The following KLHL6 variants were observed in gnomAD, a reference collection of about 807,000 sequenced individuals.
KLHL6 encodes the protein kelch like family member 6, also known as kelch-like protein 6.
In KLHL6, 41 loss-of-function variants were observed where a neutral mutation model predicts 58.6. The observed-to-expected ratio is 0.70, with a 90% CI of 0.55 to 0.91. KLHL6 has a LOEUF of 0.91. Among genes scored for constraint, KLHL6 ranks in the 40% least tolerant of loss-of-function variants. The probability of loss-of-function intolerance (pLI) is 0.00; values close to 1 mark genes in which losing one functional copy is unlikely to be tolerated. For synonymous variants in KLHL6, 338 were observed against 322.7 expected (o/e 1.05, Z -0.51); for missense variants, 714 against 805.6 (o/e 0.89, Z 1.38).
At position 183,547,725 on chromosome 3, in the gene KLHL6, G is replaced by T. The variant is rs544137771; in HGVS notation, c.293+7636C>A. Among the ~76,000 whole-genome samples, 559 of 152,238 alleles carry T rather than the reference G, an allele frequency of 3.7e-3. 1 individual carries two copies. Among genetic ancestry groups the T allele is most frequent in the Non-Finnish European group, 5.8e-3 (394 of 68,008 alleles). ...CGGCCTACATTTTTTCAGGCACTTT[G>T]CTGGATTCTTTTTATTTCATTCAGT... On this transcript the variant is annotated intron_variant, in intron 1 of 6. Coordinates refer to ENST00000341319, the MANE Select transcript of KLHL6 (RefSeq NM_130446.4).
chr3:183,541,418 G>C (rs1415171608), intron 1 of KLHL6, among the ~76,000 whole-genome samples: 1 of 152,210 alleles, frequency 6.6e-6, no homozygotes, highest in Non-Finnish European at 1.5e-5. Context: ...GGAGTGCACA[G>C]GCCAGGCTTG....
intron 1 of KLHL6, among the ~76,000 whole-genome samples, chr3:183,533,143 T>C (rs1030719763): frequency 1.3e-5 from 2 of 152,060 alleles, no homozygotes; most frequent in Non-Finnish European, 2.9e-5. Flanking sequence ...GGTGATGTAA[T>C]TCCAAACGCT....
chr3:183,531,443 GTTT>G (rs59579259), intron 1 of KLHL6, among the ~76,000 whole-genome samples: 7 of 90,358 alleles, frequency 7.7e-5, no homozygotes, highest in African/African-American at 3.4e-4. Flanking sequence ...TTTTGTCTGT[GTTT>G]TTTTTTTTTT....
rs142570408 is a variant in KLHL6 at position 183,527,747 on chromosome 3, C to T, written c.459+98G>A. The T allele has an allele frequency of 8.4e-4, 826 of 984,702 alleles. 8 individuals carry two copies. The East Asian group carries it at 0.019, about 23-fold the overall frequency. 61.0% of individuals were successfully genotyped at this position (984,702 alleles called of 1,614,324 possible). On this transcript the variant is annotated intron_variant, in intron 2 of 6. Transcript: ENST00000341319. ...GCGTGTGTGTGTGTGTGTCCATGTCCCAGGTACAGGCCTGGGAGCTAGACC... is the reference window on the plus strand; with the variant it reads ...GCGTGTGTGTGTGTGTGTCCATGTCTCAGGTACAGGCCTGGGAGCTAGACC...
rs1560107005 is a variant in KLHL6, at chr3:183,534,116, ACTTTTAAAGTACTTTGTAC to A, written c.294-6125_294-6107del. 1.1e-4 allele frequency among the ~76,000 whole-genome samples: 14 copies of A among 123,916 alleles called. 1 individual carries two copies. The South Asian group carries it at 3.7e-3, about 33-fold the overall frequency. 81.3% of individuals were successfully genotyped at this position (123,916 alleles called of 152,430 possible). ...TTTTAAAGTACTTTAAAAGTACTTT[ACTTTTAAAGTACTTTGTAC>A]TTTTAAAGTACTTTAAAAGTACTTT... On this transcript the variant is annotated intron_variant, in intron 1 of 6. Transcript: ENST00000341319.
chr3:183,495,011 A>G (rs1317624121), intron 4 of KLHL6, among the ~76,000 whole-genome samples: 2 of 152,220 alleles, frequency 1.3e-5, no homozygotes, highest in Non-Finnish European at 1.5e-5. Flanking sequence ...GGTGATTTTA[A>G]TCAAATATTT....
chr3:183,515,924 A>G (rs1024705630), intron 2 of KLHL6, among the ~76,000 whole-genome samples: 1 of 152,212 alleles, frequency 6.6e-6, no homozygotes, highest in Non-Finnish European at 1.5e-5. Flanking sequence ...AATAAATTTT[A>G]TTTTTTAACA....
intron 1 of KLHL6, among the ~76,000 whole-genome samples, chr3:183,546,847 A>G (rs547275803): frequency 1.3e-5 from 2 of 151,554 alleles, no homozygotes; most frequent in East Asian, 3.9e-4. Context: ...GAGCCAAGCA[A>G]TTCCTCCAAG....
intron 4 of KLHL6, 118 bp from the exon 5 acceptor site, chr3:183,494,399 A>C: frequency 1.3e-6 from 1 of 767,766 alleles, no homozygotes. Context: ...CCCTGAGGGG[A>C]GATACAAGAA....
At chr3:183,504,872 A>C (rs748596447) in intron 3 of KLHL6, among the ~76,000 whole-genome samples, 2 of 152,112 alleles carry the variant, frequency 1.3e-5, no homozygotes, top group Non-Finnish European at 2.9e-5. Flanking sequence ...TCTACCCTCA[A>C]GTAGGCCCTG....
chr3:183,526,661 C>G (rs2108684695), intron 2 of KLHL6, among the ~76,000 whole-genome samples: 1 of 152,302 alleles, frequency 6.6e-6, no homozygotes, highest in South Asian at 2.1e-4. Flanking sequence ...AAAGCTCACT[C>G]TGTCTCTGCA....
rs926827136 is a variant in KLHL6 at position 183,487,937 on chromosome 3, A to G, written c.*3990T>C. 6.6e-6 allele frequency: 1 copy of G among 152,246 alleles called. No individual in the cohort carries two copies. Among genetic ancestry groups the G allele is most frequent in the Non-Finnish European group, 1.5e-5 (1 of 68,046 alleles). The allele number at this position is 152,246 out of a possible 1,614,324, so 9.4% of individuals were successfully genotyped here. ...GAGCACTTTCATTTTTCAGAATAAA[A>G]CAGGATAAGCAAATAACTCACAACA... On this transcript the variant is annotated 3_prime_UTR_variant, in exon 7 of 7. Transcript: ENST00000341319.
At chr3:183,517,162 C>T (rs1349913043) in intron 2 of KLHL6, among the ~76,000 whole-genome samples, 1 of 152,160 alleles carries the variant, frequency 6.6e-6, no homozygotes, top group African/African-American at 2.4e-5. Context: ...GATCTGCCTG[C>T]CTTGGCTTCC....
At chr3:183,550,669 T>TG (rs199759794) in intron 1 of KLHL6, among the ~76,000 whole-genome samples, 1,971 of 151,870 alleles carry the variant, frequency 0.013, 34 homozygotes, top group African/African-American at 0.045. Context: ...TGGTGGTACA[T>TG]CCTGTGGTCC....
rs73188786 is a variant in KLHL6, at chr3:183,508,326, G to T, written c.642C>A (p.Pro214=). 0.12 allele frequency: 188,231 copies of T among 1,614,044 alleles called. 12,081 individuals carry two copies. Among genetic ancestry groups the T allele is most frequent in the South Asian group, 0.16 (14,360 of 91,078 alleles). Residue 214 remains proline, a synonymous_variant, in exon 3 of 7, where the codon CCC becomes CCA. Transcript: ENST00000341319. ...ILNSEEFLDL[P]VDTLHHILKS... is the part of the protein sequence containing the mutation. The stretch of plus-strand genomic sequence containing the variant: ...TCAAGATGTGGTGCAGAGTGTCCAC[G>T]GGCAGGTCAAGAAACTCCTCAGAGT...
chr3:183,548,350 G>T (rs1289220823), intron 1 of KLHL6, among the ~76,000 whole-genome samples: 1 of 151,996 alleles, frequency 6.6e-6, no homozygotes, highest in Non-Finnish European at 1.5e-5. Context: ...TGAGGGGAGG[G>T]GTTATCAGGC....
chr3:183,532,930 G>A (rs969298077), intron 1 of KLHL6, among the ~76,000 whole-genome samples: 1 of 152,204 alleles, frequency 6.6e-6, no homozygotes, highest in South Asian at 2.1e-4. Flanking sequence ...AGTATCAGAT[G>A]AACCCATAAA....
chr3:183,531,758 T>C (rs969991392), intron 1 of KLHL6, among the ~76,000 whole-genome samples: 2 of 152,182 alleles, frequency 1.3e-5, no homozygotes, highest in African/African-American at 2.4e-5. Flanking sequence ...ATCTTTCATA[T>C]TTCTCCCTTT....
intron 3 of KLHL6, among the ~76,000 whole-genome samples, chr3:183,501,306 C>T (rs772088569): frequency 9.8e-5 from 15 of 152,324 alleles, no homozygotes; most frequent in African/African-American, 1.4e-4. Context: ...ACTTTCTCTT[C>T]AGGTGTCAGC....
Sources: allele counts gnomAD v4.1 joint callset (sites outside exome capture counted in the v4.1 genomes callset), GRCh38; gene constraint gnomAD v4.1.1; transcripts MANE v1.5; gene names NCBI Gene and HGNC (gene_info 2026-07-23, HGNC 2026-07-21).